The following GPC6 variants were observed in gnomAD, a reference collection of about 807,000 sequenced individuals.
GPC6 encodes the protein glypican 6, also known as glypican-6.
GPC6 carries 14 observed loss-of-function variants against 55.2 expected under a neutral mutation model. The ratio of observed to expected loss-of-function variants is 0.25; its 90% confidence interval spans 0.17 to 0.40. The LOEUF is 0.40. Among genes scored for constraint, GPC6 ranks in the 10% least tolerant of loss-of-function variants. The pLI is 1.00. For missense variants in GPC6, 641 were observed against 708.5 expected (o/e 0.90, Z 1.08); for synonymous variants, 278 against 259.6 (o/e 1.07, Z -0.68).
intron 3 of GPC6, among the ~76,000 whole-genome samples, chr13:93,867,113 A>G (rs1888988354): frequency 6.6e-6 from 1 of 151,590 alleles, no homozygotes; most frequent in Non-Finnish European, 1.5e-5. Flanking sequence ...AAGTGAGGCT[A>G]TTTCCAAAAA....
At chr13:94,212,968 C>T (rs533417663) in intron 4 of GPC6, among the ~76,000 whole-genome samples, 151 of 152,266 alleles carry the variant, frequency 9.9e-4, no homozygotes, top group African/African-American at 3.5e-3. Context: ...CCAGCCTGGC[C>T]AACATGGTGA....
intron 3 of GPC6, among the ~76,000 whole-genome samples, chr13:94,008,935 C>A (rs1482174230): frequency 2.0e-5 from 3 of 152,060 alleles, no homozygotes; most frequent in Non-Finnish European, 2.9e-5. Flanking sequence ...AATTTAATAA[C>A]CACCCTATCA....
intron 3 of GPC6, among the ~76,000 whole-genome samples, chr13:93,942,498 T>G (rs1223194238): frequency 3.3e-5 from 5 of 152,156 alleles, no homozygotes; most frequent in African/African-American, 1.2e-4. Context: ...TTTTTTGTGT[T>G]TTTTGTAGGG....
chr13:94,209,263 TC>T (rs1566545679), intron 4 of GPC6, among the ~76,000 whole-genome samples: 6 of 152,210 alleles, frequency 3.9e-5, no homozygotes, highest in Admixed American at 6.5e-5. Context: ...AGGGCTGTAT[TC>T]TCCAGTCTTG....
rs147851167 is a variant in GPC6 at position 93,281,149 on chromosome 13, T to C, written c.160+53533T>C. On this transcript the variant is annotated intron_variant, in intron 1 of 8. Coordinates refer to ENST00000377047, the MANE Select transcript of GPC6 (RefSeq NM_005708.5). ...TCAGGATTTGGCCTCCAGATTCTAC[T>C]ATATCTGCCACAATAGCACTTACTA... 6.2e-3 allele frequency among the ~76,000 whole-genome samples: 941 copies of C among 152,368 alleles called. 12 individuals carry two copies. The highest frequency in any genetic ancestry group is 0.02 in the African/African-American group (816 of 41,588).
At chr13:93,904,859 C>T (rs1566595903) in intron 3 of GPC6, among the ~76,000 whole-genome samples, 1 of 151,998 alleles carries the variant, frequency 6.6e-6, no homozygotes, top group Non-Finnish European at 1.5e-5. Context: ...ATGTGCCATG[C>T]TGGTGTGCTG....
chr13:93,809,207 C>G (rs1214118796), intron 2 of GPC6, among the ~76,000 whole-genome samples: 1 of 152,162 alleles, frequency 6.6e-6, no homozygotes, highest in Non-Finnish European at 1.5e-5. Flanking sequence ...TCTGCCAAGT[C>G]AGATGGCTAC....
chr13:93,536,706 C>A (rs956419591), intron 1 of GPC6, among the ~76,000 whole-genome samples: 1 of 152,182 alleles, frequency 6.6e-6, no homozygotes. Context: ...ACCAATTTCA[C>A]CTATGAACAT....
At chr13:93,425,156 C>T (rs1481984276) in intron 1 of GPC6, among the ~76,000 whole-genome samples, 2 of 152,030 alleles carry the variant, frequency 1.3e-5, no homozygotes, top group African/African-American at 2.4e-5. Context: ...ATGCAAAATT[C>T]GTGATGAATG....
chr13:94,165,452 A>G (rs558033765), intron 4 of GPC6, among the ~76,000 whole-genome samples: 1 of 152,202 alleles, frequency 6.6e-6, no homozygotes, highest in South Asian at 2.1e-4. Context: ...ATGAGGATGC[A>G]AAAGCATAAG....
intron 2 of GPC6, among the ~76,000 whole-genome samples, chr13:93,555,872 C>T (rs1194726339): frequency 6.6e-6 from 1 of 152,128 alleles, no homozygotes; most frequent in Non-Finnish European, 1.5e-5. Context: ...AGCGAGTGTT[C>T]TCTGCTCCAC....
At chr13:94,090,309 C>T (rs937929598) in intron 4 of GPC6, among the ~76,000 whole-genome samples, 3 of 152,088 alleles carry the variant, frequency 2.0e-5, no homozygotes, top group Non-Finnish European at 4.4e-5. Flanking sequence ...GGATCCCTCC[C>T]ATGACATGTG....
intron 1 of GPC6, among the ~76,000 whole-genome samples, chr13:93,536,814 C>G (rs778287482): frequency 2.6e-5 from 4 of 152,038 alleles, no homozygotes; most frequent in Non-Finnish European, 4.4e-5. Flanking sequence ...TGTATAGATT[C>G]CTGTTTGAAG....
chr13:94,341,520 G>A (rs1347005809), intron 6 of GPC6, among the ~76,000 whole-genome samples: 1 of 151,246 alleles, frequency 6.6e-6, no homozygotes, highest in Non-Finnish European at 1.5e-5. Flanking sequence ...GGGAGGTGGA[G>A]GTTGCCGTGA....
chr13:93,756,074 A>T (rs1271765314), intron 2 of GPC6, among the ~76,000 whole-genome samples: 2 of 152,014 alleles, frequency 1.3e-5, no homozygotes, highest in Non-Finnish European at 2.9e-5. Context: ...TTCTATCTCT[A>T]TTTCTTTTTT....
intron 3 of GPC6, among the ~76,000 whole-genome samples, chr13:93,969,465 C>T (rs1192723284): frequency 2.0e-5 from 3 of 152,064 alleles, no homozygotes; most frequent in Non-Finnish European, 4.4e-5. Context: ...GCATCCAGTT[C>T]CTTGGCGATA....
At chr13:93,462,020 T>TA (rs1204010453) in intron 1 of GPC6, among the ~76,000 whole-genome samples, 1 of 152,158 alleles carries the variant, frequency 6.6e-6, no homozygotes, top group African/African-American at 2.4e-5. Context: ...CATGCCATCT[T>TA]ATGTAGATAC....
intron 2 of GPC6, among the ~76,000 whole-genome samples, chr13:93,549,059 A>C (rs751418347): frequency 1.3e-5 from 2 of 152,058 alleles, no homozygotes; most frequent in African/African-American, 2.4e-5. Flanking sequence ...GCCACTGCAA[A>C]AGTTCTCCCT....
intron 2 of GPC6, among the ~76,000 whole-genome samples, chr13:93,667,547 C>T (rs1271348065): frequency 1.3e-5 from 2 of 151,916 alleles, no homozygotes; most frequent in Non-Finnish European, 2.9e-5. Context: ...ATTCTCCTGC[C>T]TTAGCCTCTC....
Sources: gnomAD v4.1 joint callset for allele counts (sites outside exome capture counted in the v4.1 genomes callset) on GRCh38, gnomAD v4.1.1 for gene constraint, MANE v1.5 for transcripts, NCBI Gene and HGNC (gene_info 2026-07-23, HGNC 2026-07-21) for gene names.